The following RMDN3 variants were observed in gnomAD, a reference collection of about 807,000 sequenced individuals.
RMDN3 encodes the protein regulator of microtubule dynamics 3, also known as regulator of microtubule dynamics protein 3.
A neutral mutation model predicts 61.8 loss-of-function variants in RMDN3; 41 were observed. The observed-to-expected ratio is 0.66, with a 90% CI of 0.52 to 0.86. The LOEUF (loss-of-function observed/expected upper bound fraction) is 0.86. RMDN3 is among the 40% of genes least tolerant of loss of function. The pLI, the probability that RMDN3 is intolerant of heterozygous loss-of-function variation, is 0.00. For synonymous variants in RMDN3, 247 were observed against 232.0 expected (o/e 1.06, Z -0.59); for missense variants, 557 against 585.3 (o/e 0.95, Z 0.50).
At position 40,754,767 on chromosome 15, in the gene RMDN3, G is replaced by T. The variant is rs756385668; in HGVS notation, c.17C>A (p.Ala6Asp). The change falls in exon 2 of 13, where the codon GCC becomes GAC. Residue 6 changes from alanine to aspartate, a missense_variant. Transcript: ENST00000338376. MSRLG[A>D]LGGARAGLGL... ...CAGCCCGGCACGGGCACCACCCAGG[G>T]CTCCCAGTCTAGACATGCTGCACCT... 1 of 1,554,980 alleles carries T rather than the reference G, an allele frequency of 6.4e-7. No homozygotes were observed. Among genetic ancestry groups the T allele is most frequent in the Admixed American group, 1.7e-5 (1 of 57,642 alleles).
intron 4 of RMDN3, among the ~76,000 whole-genome samples, chr15:40,748,274 T>A (rs1268463942): frequency 6.6e-6 from 1 of 152,188 alleles, no homozygotes; most frequent in East Asian, 1.9e-4. Context: ...TCAGAGTTTG[T>A]AGACTCCTAG....
At chr15:40,748,286 G>C (rs1273040181) in intron 4 of RMDN3, among the ~76,000 whole-genome samples, 4 of 152,132 alleles carry the variant, frequency 2.6e-5, no homozygotes, top group Non-Finnish European at 5.9e-5. Flanking sequence ...GACTCCTAGA[G>C]CTCCCCCCTT....
intron 2 of RMDN3, among the ~76,000 whole-genome samples, chr15:40,753,119 T>C (rs141502972): frequency 6.6e-6 from 1 of 152,288 alleles, no homozygotes; most frequent in East Asian, 1.9e-4. Flanking sequence ...CTGACAATCA[T>C]TTGCAATCTA....
Position 40,754,784 on chromosome 15 carries a change from G to T in RMDN3, c.-1C>A. 1.3e-6 allele frequency: 2 copies of T among 1,559,038 alleles called. No homozygotes were observed. On this transcript the variant is annotated 5_prime_UTR_variant, in exon 2 of 13. Coordinates refer to ENST00000338376, the MANE Select transcript of RMDN3 (RefSeq NM_018145.3). ...CACCCAGGGCTCCCAGTCTAGACAT[G>T]CTGCACCTGCGGCCAGCAGAAGTCA...
Position 40,755,080 on chromosome 15 carries a change from C to T in RMDN3, c.-8+3G>A. Reference sequence around the variant, plus strand: ...GTCCGGCTTCTGGGCCTTCAACCCCCACCTCAGCCTCACGACACTGCAGAC... The same window carrying T: ...GTCCGGCTTCTGGGCCTTCAACCCCTACCTCAGCCTCACGACACTGCAGAC... On this transcript the variant is annotated splice_donor_region_variant and intron_variant, in intron 1 of 12. Coordinates refer to ENST00000338376, the MANE Select transcript of RMDN3 (RefSeq NM_018145.3). 1 of 352,770 alleles carries T rather than the reference C, an allele frequency of 2.8e-6. No individual in the cohort carries two copies. The highest frequency in any genetic ancestry group is 3.8e-5 in the South Asian group (1 of 26,424). 21.9% of individuals were successfully genotyped at this position (352,770 alleles called of 1,614,324 possible). A position where few individuals can be genotyped will look rare whatever the true frequency, so the allele number is the denominator to read the frequency against.
chr15:40,738,490 C>G lies in RMDN3; in HGVS notation c.1047+11G>C. The G allele has an allele frequency of 1.2e-6, 2 of 1,613,860 alleles. No individual in the cohort carries two copies. Among genetic ancestry groups the G allele is most frequent in the African/African-American group, 1.3e-5 (1 of 75,026 alleles). ...GGCCAGCACAAGGAAGGAGGAAAAG[C>G]CTGTCCTCACCTTGAAGCTAAAGCC... On this transcript the variant is annotated intron_variant, in intron 8 of 12. Transcript: ENST00000338376.
At chr15:40,736,950 T>C (rs1181457080) in intron 12 of RMDN3, among the ~76,000 whole-genome samples, 174 bp downstream of exon 12, 2 of 152,168 alleles carry the variant, frequency 1.3e-5, no homozygotes, top group Non-Finnish European at 2.9e-5. Context: ...ACCTCCCGGA[T>C]TCAAGCGATT....
At chr15:40,740,502 T>C (rs1331067559) in intron 6 of RMDN3, among the ~76,000 whole-genome samples, 1 of 152,034 alleles carries the variant, frequency 6.6e-6, no homozygotes, top group Admixed American at 6.6e-5. Flanking sequence ...AAAAATTAGC[T>C]GGGCGTGGTG....
chr15:40,744,173 G>A (rs1323892415), intron 5 of RMDN3, 24 bp from the exon 6 acceptor site: 4 of 1,609,302 alleles, frequency 2.5e-6, no homozygotes, highest in Non-Finnish European at 2.5e-6. Context: ...AGAAACGGGT[G>A]AGGCCCCTTT....
At chr15:40,739,971 T>C (rs984568122) in intron 7 of RMDN3, among the ~76,000 whole-genome samples, 162 bp downstream of exon 7, 1 of 152,182 alleles carries the variant, frequency 6.6e-6, no homozygotes, top group Non-Finnish European at 1.5e-5. Flanking sequence ...ACTTCCCTTG[T>C]CTCTGGCTAG....
chr15:40,737,912 C>T (rs536849601), intron 9 of RMDN3, 53 bp downstream of exon 9: 16 of 1,582,820 alleles, frequency 1.0e-5, no homozygotes, highest in East Asian at 2.2e-5. Flanking sequence ...GCAAGGAAAT[C>T]GGTGTCAGAA....
chr15:40,751,670 G>A (rs1897829362), intron 3 of RMDN3, 101 bp from the exon 4 acceptor site: 8 of 1,526,886 alleles, frequency 5.2e-6, no homozygotes, highest in Admixed American at 5.0e-5. Flanking sequence ...TCATTAAAGG[G>A]CTAAAAGCAG....
intron 10 of RMDN3, 110 bp from the exon 11 acceptor site, chr15:40,737,451 C>A: frequency 8.5e-7 from 1 of 1,176,068 alleles, no homozygotes; most frequent in South Asian, 1.3e-5. Flanking sequence ...TTCAGTGGGT[C>A]TGAAGAAACC....
At chr15:40,741,620 A>ATTTATTTTTTTTTTTTTT (rs1897282997) in intron 6 of RMDN3, among the ~76,000 whole-genome samples, 1 of 71,724 alleles carries the variant, frequency 1.4e-5, no homozygotes, top group Non-Finnish European at 2.5e-5. Context: ...GCAACATAGG[A>ATTTATTTTTTTTTTTTTT]TTTTTTTTTT....
rs186123974 is a variant in RMDN3 at position 40,748,833 on chromosome 15, C to A, written c.524+2593G>T. On this transcript the variant is annotated intron_variant, in intron 4 of 12. Transcript: ENST00000338376. ...CGGGCTGGTCTCGAACTCCTGACCTCAAGTGATCTGCCCACCTCAGCCTCC... is the reference window on the plus strand; with the variant it reads ...CGGGCTGGTCTCGAACTCCTGACCTAAAGTGATCTGCCCACCTCAGCCTCC... 3.3e-3 allele frequency among the ~76,000 whole-genome samples: 498 copies of A among 151,724 alleles called. 4 individuals carry two copies. Among genetic ancestry groups the A allele is most frequent in the African/African-American group, 0.012 (481 of 41,324 alleles).
chr15:40,751,446 T>C lies in RMDN3; in HGVS notation c.504A>G (p.Thr168=). 6.2e-7 allele frequency: 1 copy of C among 1,614,206 alleles called. No homozygotes were observed. The highest frequency in any genetic ancestry group is 8.5e-7 in the Non-Finnish European group (1 of 1,180,042). The change falls in exon 4 of 13, where the codon ACA becomes ACG. Residue 168 remains threonine (T), a synonymous_variant. Coordinates refer to ENST00000338376, the MANE Select transcript of RMDN3 (RefSeq NM_018145.3). ...CTCACCCCCCTTCACTCTCAGCATC[T>C]GTGAACGTGGCTCCCGAGGAGGCCG... ...YFTASSGATF[T]DAESEGGYTT...
intron 11 of RMDN3, 24 bp from the exon 12 acceptor site, chr15:40,737,228 C>A: frequency 6.2e-7 from 1 of 1,612,426 alleles, no homozygotes. Context: ...ACAGTGAAAC[C>A]TGATACTGTG....
At chr15:40,753,516 AAAAAG>A (rs1178141731) in intron 2 of RMDN3, among the ~76,000 whole-genome samples, 6 of 152,170 alleles carry the variant, frequency 3.9e-5, no homozygotes, top group South Asian at 4.1e-4. Flanking sequence ...CCATCTCAAA[AAAAAG>A]AAAAGAAAAG....
At chr15:40,746,780 A>G (rs1889143431) in intron 4 of RMDN3, among the ~76,000 whole-genome samples, 1 of 152,158 alleles carries the variant, frequency 6.6e-6, no homozygotes, top group South Asian at 2.1e-4. Context: ...GGCCCCAGAC[A>G]CATCTACTAC....
Sources: gnomAD v4.1 joint callset for allele counts (sites outside exome capture counted in the v4.1 genomes callset) on GRCh38, gnomAD v4.1.1 for gene constraint, MANE v1.5 for transcripts, NCBI Gene and HGNC (gene_info 2026-07-23, HGNC 2026-07-21) for gene names.